PCDHGA2: variants seen among roughly 807,000 people sequenced by gnomAD.
PCDHGA2 encodes the protein protocadherin gamma subfamily A, 2.
PCDHGA2 carries 40 observed loss-of-function variants against 59.2 expected under a neutral mutation model. The ratio of observed to expected loss-of-function variants is 0.68; its 90% CI spans 0.52 to 0.88. PCDHGA2 has a LOEUF of 0.88. Ranked by LOEUF, PCDHGA2 falls within the 40% of genes least tolerant of loss-of-function variation. The pLI is 0.00. For missense variants in PCDHGA2, 1,226 were observed against 1,204.0 expected (o/e 1.02, Z -0.27); for synonymous variants, 560 against 526.0 (o/e 1.06, Z -0.89).
In PCDHGA2 at chr5:141,340,174, C is replaced by A; in HGVS notation, c.1203C>A (p.Tyr401Ter). 1 of 1,614,214 alleles carries A rather than the reference C, an allele frequency of 6.2e-7. No individual in the cohort carries two copies. The highest frequency in any genetic ancestry group is 8.5e-7 in the Non-Finnish European group (1 of 1,180,032). ...PFKLEKSVDN[Y>*]YRLVTTRALD... ...AGTTAGAAAAGTCAGTAGACAATTA[C>A]TACCGACTGGTTACAACCAGAGCCC... Residue 401 changes from tyrosine to a stop codon, truncating the protein, a stop_gained, in exon 1 of 4, where the codon TAC becomes TAA. Transcript: ENST00000394576. LOFTEE classifies it high-confidence loss of function.
chr5:141,414,715 G>A, intron 1 of PCDHGA2: 1 of 1,614,128 alleles, frequency 6.2e-7, no homozygotes. Context: ...CATCAACTCA[G>A]ACACTGGCGT....
At chr5:141,365,068 G>C in intron 1 of PCDHGA2, 1 of 1,613,812 alleles carries the variant, frequency 6.2e-7, no homozygotes, top group South Asian at 1.1e-5. Flanking sequence ...CCCCATCCGA[G>C]TACAGCGTGA....
chr5:141,491,243 ATGAGGACCC>A lies in PCDHGA2; in HGVS notation c.2425-3557_2425-3549del. 1 of 1,614,200 alleles carries A rather than the reference ATGAGGACCC, an allele frequency of 6.2e-7. No individual in the cohort carries two copies. Among genetic ancestry groups the A allele is most frequent in the African/African-American group, 1.3e-5 (1 of 75,056 alleles). ...GCCACAGTGCTGCTGGTTCTGGAGG[ATGAGGACCC>A]TGAGGAAATGCCCAAATCCAGTGAC... On this transcript the variant is annotated intron_variant, in intron 1 of 3. Coordinates refer to ENST00000394576, the MANE Select transcript of PCDHGA2 (RefSeq NM_018915.4). This position sits in a 1 kb window ranked among gnomAD's most constrained non-coding sequence, Gnocchi z 6.9.
intron 1 of PCDHGA2, chr5:141,408,241 G>A: frequency 1.3e-6 from 2 of 1,580,050 alleles, no homozygotes; most frequent in Non-Finnish European, 1.7e-6. Flanking sequence ...GGGCCGGCCC[G>A]CGGCAGGTGC....
At chr5:141,370,514 G>C (rs1295709231) in intron 1 of PCDHGA2, 2 of 1,613,894 alleles carry the variant, frequency 1.2e-6, no homozygotes, top group East Asian at 2.2e-5. Context: ...TTCCCGAGGA[G>C]CTGGACAGGG....
chr5:141,458,553 T>G (rs987591790), intron 1 of PCDHGA2, among the ~76,000 whole-genome samples: 24 of 146,852 alleles, frequency 1.6e-4, no homozygotes, highest in Non-Finnish European at 2.5e-4. Flanking sequence ...TGTTTGTTTG[T>G]TTTGGTTTTG....
chr5:141,387,088 C>T (rs2090815090), intron 1 of PCDHGA2, among the ~76,000 whole-genome samples: 2 of 152,074 alleles, frequency 1.3e-5, no homozygotes, highest in Non-Finnish European at 1.5e-5. Context: ...CTGTGATCAT[C>T]GAAATGAGAA....
intron 1 of PCDHGA2, chr5:141,410,044 C>G: frequency 6.2e-7 from 1 of 1,613,184 alleles, no homozygotes; most frequent in Non-Finnish European, 8.5e-7. Flanking sequence ...CCAGTGAGCC[C>G]GGACTCTTCA....
At chr5:141,474,524 C>G (rs1260642402) in intron 1 of PCDHGA2, among the ~76,000 whole-genome samples, 1 of 152,170 alleles carries the variant, frequency 6.6e-6, no homozygotes, top group Non-Finnish European at 1.5e-5. Flanking sequence ...GCTGGTCTGG[C>G]TAATTATCAA....
chr5:141,361,769 A>C, intron 1 of PCDHGA2: 1 of 1,613,144 alleles, frequency 6.2e-7, no homozygotes, highest in Non-Finnish European at 8.5e-7. Context: ...CTCAGCGCCA[A>C]CGTGAGCCTG....
rs570673080 is a variant in PCDHGA2 at position 141,360,152 on chromosome 5, G to A, written c.2424+18757G>A. ...AGCCAGAAGATGAAAGCGAGCTCAGGGAGGTGCGGGCTGGTGCGGTGGCTG... is the reference window on the plus strand; with the variant it reads ...AGCCAGAAGATGAAAGCGAGCTCAGAGAGGTGCGGGCTGGTGCGGTGGCTG... On this transcript the variant is annotated intron_variant, in intron 1 of 3. Coordinates refer to ENST00000394576, the MANE Select transcript of PCDHGA2 (RefSeq NM_018915.4). 6.9e-6 allele frequency: 11 copies of A among 1,603,472 alleles called. No homozygotes were observed. In the Admixed American group the frequency reaches 1.9e-4, roughly 27 times the overall value.
At chr5:141,426,398 C>A (rs1264385461) in intron 1 of PCDHGA2, 3 of 257,270 alleles carry the variant, frequency 1.2e-5, no homozygotes, top group Non-Finnish European at 2.3e-5. Context: ...TACTCTATTC[C>A]AGAAGAAACG....
intron 1 of PCDHGA2, chr5:141,403,191 G>A (rs368387997): frequency 1.1e-5 from 18 of 1,613,876 alleles, no homozygotes; most frequent in Non-Finnish European, 1.4e-5. Context: ...CTGAACCCGC[G>A]CAGCGGCACC....
intron 1 of PCDHGA2, chr5:141,392,696 T>A: frequency 8.2e-7 from 1 of 1,212,692 alleles, no homozygotes. Flanking sequence ...ACCCGACCCC[T>A]GTTTGGAGGC....
In PCDHGA2 at chr5:141,490,211, ACCAGGGACAG is replaced by A. The variant is rs1259297201; in HGVS notation, c.2425-4593_2425-4584del. 1 of 1,614,212 alleles carries A rather than the reference ACCAGGGACAG, an allele frequency of 6.2e-7. No individual in the cohort carries two copies. ...TATGAAATTCATGCAAGAGCCCGTG[ACCAGGGACAG>A]CCTGCCATGGAGGGCCACTGTGTGA... is the stretch of plus-strand genomic sequence containing the variant. On this transcript the variant is annotated intron_variant, in intron 1 of 3. Transcript: ENST00000394576. The surrounding 1 kb of genome is among the most constrained non-coding windows in gnomAD (Gnocchi z 5.4).
At chr5:141,375,897 C>T in intron 1 of PCDHGA2, 1 of 1,613,798 alleles carries the variant, frequency 6.2e-7, no homozygotes, top group South Asian at 1.1e-5. Flanking sequence ...GCCTGGCTGT[C>T]CTACCGCCTG....
Position 141,503,999 on chromosome 5 carries a change from C to T in PCDHGA2, c.2484-1394C>T, listed in dbSNP as rs569153055. On this transcript the variant is annotated intron_variant, in intron 2 of 3. Coordinates refer to ENST00000394576, the MANE Select transcript of PCDHGA2 (RefSeq NM_018915.4). Reference sequence around the variant, plus strand: ...AACCCTTCTTCTTACCTTACAGTCACTTAACTGTCTCTGCTGGTCTCTTCC... The same window carrying T: ...AACCCTTCTTCTTACCTTACAGTCATTTAACTGTCTCTGCTGGTCTCTTCC... 2.0e-5 allele frequency among the ~76,000 whole-genome samples: 3 copies of T among 152,286 alleles called. No individual in the cohort carries two copies. The South Asian group carries it at 6.2e-4, about 32-fold the overall frequency.
chr5:141,489,290 G>A lies in PCDHGA2; in HGVS notation c.2425-5517G>A. 6.3e-7 allele frequency: 1 copy of A among 1,577,514 alleles called. No individual in the cohort carries two copies. The highest frequency in any genetic ancestry group is 8.6e-7 in the Non-Finnish European group (1 of 1,162,002). ...CTCGCTGGGAAATGGCAAGTGCTGT[G>A]CATGTTGTCCTTGTGCTGCTGGGGC... On this transcript the variant is annotated intron_variant, in intron 1 of 3. Transcript: ENST00000394576. This position sits in a 1 kb window ranked among gnomAD's most constrained non-coding sequence, Gnocchi z 4.5.
chr5:141,341,433 T>G, intron 1 of PCDHGA2, 38 bp downstream of exon 1: 1 of 1,611,604 alleles, frequency 6.2e-7, no homozygotes, highest in Non-Finnish European at 8.5e-7. Context: ...CTAGCTAGTT[T>G]GCTGAAGTAA....
Sources: allele counts gnomAD v4.1 joint callset (sites outside exome capture counted in the v4.1 genomes callset), GRCh38; gene constraint gnomAD v4.1.1; non-coding constraint Gnocchi (gnomAD v3.1); transcripts MANE v1.5; gene names NCBI Gene and HGNC (gene_info 2026-07-23, HGNC 2026-07-21).